The following GFPT1 variants were observed in gnomAD, a reference collection of about 807,000 sequenced individuals.
GFPT1 encodes the protein glutamine--fructose-6-phosphate transaminase 1, also known as glutamine--fructose-6-phosphate aminotransferase [isomerizing] 1.
A neutral mutation model predicts 92.0 loss-of-function variants in GFPT1; 40 were observed. That is an observed-to-expected ratio of 0.43 (90% CI 0.34 to 0.57). The LOEUF (loss-of-function observed/expected upper bound fraction) is 0.57. Ranked by LOEUF, GFPT1 falls within the 20% of genes least tolerant of loss-of-function variation. GFPT1 has a pLI of 0.02. For synonymous variants in GFPT1, 269 were observed against 280.6 expected, an observed-to-expected ratio of 0.96 and a Z score of 0.41; for missense variants, 448 against 869.1, an observed-to-expected ratio of 0.52 and a Z score of 6.09.
At chr2:69,340,660 T>G (rs955248074) in intron 13 of GFPT1, among the ~76,000 whole-genome samples, 1 of 151,938 alleles carries the variant, frequency 6.6e-6, no homozygotes, top group African/African-American at 2.4e-5. Flanking sequence ...AAAAAACATG[T>G]AAATGTGTCA....
chr2:69,368,200 G>A (rs1477833749), intron 3 of GFPT1, among the ~76,000 whole-genome samples: 1 of 152,228 alleles, frequency 6.6e-6, no homozygotes, highest in East Asian at 1.9e-4. Flanking sequence ...GGCTAACATG[G>A]TGAAACCCCA....
intron 19 of GFPT1, among the ~76,000 whole-genome samples, 162 bp from the exon 20 acceptor site, chr2:69,326,395 A>G (rs1482030101): frequency 6.6e-6 from 1 of 152,234 alleles, no homozygotes; most frequent in Non-Finnish European, 1.5e-5. Flanking sequence ...AGAAAATATA[A>G]TCACATAATG....
chr2:69,336,931 GC>G (rs1232537100), intron 15 of GFPT1, among the ~76,000 whole-genome samples: 1 of 151,810 alleles, frequency 6.6e-6, no homozygotes, highest in East Asian at 1.9e-4. Flanking sequence ...ATTCCAAAGA[GC>G]AAAGTAGTCT....
At chr2:69,342,118 A>G in intron 13 of GFPT1, 34 bp downstream of exon 13, 1 of 1,129,970 alleles carries the variant, frequency 8.8e-7, no homozygotes, top group Non-Finnish European at 1.3e-6. Context: ...ATTCTCTAAT[A>G]TTCAACATAA....
chr2:69,356,795 T>C (rs914311520), intron 6 of GFPT1, among the ~76,000 whole-genome samples: 2 of 151,532 alleles, frequency 1.3e-5, no homozygotes, highest in African/African-American at 4.9e-5. Flanking sequence ...TGGGGTGCAG[T>C]GGCACGATCT....
chr2:69,370,174 G>T, intron 2 of GFPT1, 66 bp from the exon 3 acceptor site: 2 of 911,264 alleles, frequency 2.2e-6, no homozygotes, highest in South Asian at 1.3e-5. Context: ...ATTAATGTGA[G>T]GCAAAATTTT....
At chr2:69,359,881 T>C (rs1671424892) in intron 4 of GFPT1, among the ~76,000 whole-genome samples, 1 of 152,194 alleles carries the variant, frequency 6.6e-6, no homozygotes, top group South Asian at 2.1e-4. Flanking sequence ...AGTCATAGAA[T>C]GTCAGAAACA....
chr2:69,335,624 T>C (rs1670775847), intron 15 of GFPT1, among the ~76,000 whole-genome samples: 1 of 152,168 alleles, frequency 6.6e-6, no homozygotes, highest in Admixed American at 6.5e-5. Context: ...AGCCACAGGA[T>C]GGAAACCCAA....
intron 13 of GFPT1, among the ~76,000 whole-genome samples, chr2:69,341,646 A>T (rs986983627): frequency 4.1e-5 from 6 of 146,350 alleles, no homozygotes; most frequent in African/African-American, 1.3e-4. Context: ...CTGCACTGAC[A>T]ATACACATTT....
intron 9 of GFPT1, among the ~76,000 whole-genome samples, chr2:69,351,464 AT>A (rs1671204908): frequency 6.6e-6 from 1 of 152,206 alleles, no homozygotes; most frequent in Admixed American, 6.5e-5. Flanking sequence ...AAAAACTGCT[AT>A]TTCATCTATC....
intron 11 of GFPT1, among the ~76,000 whole-genome samples, chr2:69,346,331 T>G (rs1671081482): frequency 6.6e-6 from 1 of 152,056 alleles, no homozygotes; most frequent in South Asian, 2.1e-4. Flanking sequence ...CTTGGCCTCC[T>G]GGATTCAAGG....
At chr2:69,350,958 T>G (rs946174034) in intron 9 of GFPT1, among the ~76,000 whole-genome samples, 1 of 152,014 alleles carries the variant, frequency 6.6e-6, no homozygotes, top group Non-Finnish European at 1.5e-5. Context: ...AATTAATTTT[T>G]ATTGTATCAT....
At position 69,320,707 on chromosome 2, in the gene GFPT1, G is replaced by GAACA. The variant is rs1558716662; in HGVS notation, c.*5478_*5481dup. The GAACA allele has an allele frequency of 6.6e-6, 1 of 151,966 alleles. No individual in the cohort carries two copies. The highest frequency in any genetic ancestry group is 2.4e-5 in the African/African-American group (1 of 41,364). The allele number at this position is 151,966 out of a possible 1,614,324, so 9.4% of individuals were successfully genotyped here. ...AGAGGCTGAGGCAAAAGACTCGTGTGAACACGGGAGGTGGAAGTTGCAGTC... is the reference window on the plus strand; with the variant it reads ...AGAGGCTGAGGCAAAAGACTCGTGTGAACAAACACGGGAGGTGGAAGTTGCAGTC... On this transcript the variant is annotated 3_prime_UTR_variant, in exon 20 of 20. Coordinates refer to ENST00000357308, the MANE Select transcript of GFPT1 (RefSeq NM_001244710.2).
intron 18 of GFPT1, among the ~76,000 whole-genome samples, chr2:69,328,017 T>C (rs1190781199): frequency 2.0e-5 from 3 of 146,440 alleles, no homozygotes; most frequent in African/African-American, 7.6e-5. Flanking sequence ...GAAAATTGCC[T>C]GAACCCAGGA....
chr2:69,365,905 C>G (rs1005330046), intron 3 of GFPT1, among the ~76,000 whole-genome samples: 3 of 152,048 alleles, frequency 2.0e-5, no homozygotes, highest in African/African-American at 7.2e-5. Flanking sequence ...CTCTCCCTCC[C>G]GGGTTCAAGC....
Position 69,329,810 on chromosome 2 carries a change from C to T in GFPT1, c.1483-12G>A. On this transcript the variant is annotated splice_polypyrimidine_tract_variant and intron_variant, in intron 15 of 19. Transcript: ENST00000357308. Reference sequence around the variant, plus strand: ...TGGCTGGTATAAGCCTGAAACATCACAAAAAAGCAGGACAATTAGTTGCAG... The same window carrying T: ...TGGCTGGTATAAGCCTGAAACATCATAAAAAAGCAGGACAATTAGTTGCAG... 2 of 1,376,834 alleles carry T rather than the reference C, an allele frequency of 1.5e-6. No individual in the cohort carries two copies. Among genetic ancestry groups the T allele is most frequent in the Non-Finnish European group, 2.1e-6 (2 of 963,258 alleles). 85.3% of individuals were successfully genotyped at this position (1,376,834 alleles called of 1,614,324 possible). A position where few individuals can be genotyped will look rare whatever the true frequency, so the allele number is the denominator to read the frequency against.
intron 1 of GFPT1, among the ~76,000 whole-genome samples, chr2:69,382,209 A>T (rs751952876): frequency 6.6e-6 from 1 of 152,200 alleles, no homozygotes; most frequent in Non-Finnish European, 1.5e-5. Flanking sequence ...GTAAATACAG[A>T]ACTCTTTTGT....
chr2:69,354,492 T>A lies in GFPT1; in HGVS notation c.682A>T (p.Thr228Ser). The A allele has an allele frequency of 6.3e-7, 1 of 1,575,168 alleles. No individual in the cohort carries two copies. The highest frequency in any genetic ancestry group is 8.7e-7 in the Non-Finnish European group (1 of 1,144,500). Residue 228 changes from threonine (T) to serine (S), a missense_variant, in exon 8 of 20, where the codon ACA becomes TCA. This residue lies in a region of GFPT1 where 118 missense variants were observed against 192.9 expected (regional missense o/e 0.61). Coordinates refer to ENST00000357308, the MANE Select transcript of GFPT1 (RefSeq NM_001244710.2). ...STDHIPILYR[T>S]ARTQIGSKFT... Reference sequence around the variant, plus strand: ...GCATTTGTAGAGGTAATTTTACCTGTTCTGTAGAGTATAGGAATGTGATCA... The same window carrying A: ...GCATTTGTAGAGGTAATTTTACCTGATCTGTAGAGTATAGGAATGTGATCA...
At chr2:69,344,880 G>A (rs946374308) in intron 12 of GFPT1, among the ~76,000 whole-genome samples, 7 of 151,752 alleles carry the variant, frequency 4.6e-5, no homozygotes, top group Non-Finnish European at 4.4e-5. Context: ...CGATCCTCCC[G>A]CTTTGGGTTC....
Sources: gnomAD v4.1 joint callset for allele counts (sites outside exome capture counted in the v4.1 genomes callset) on GRCh38, gnomAD v4.1.1 for gene constraint, gnomAD v4.1.1 regional missense constraint, MANE v1.5 for transcripts, NCBI Gene and HGNC (gene_info 2026-07-23, HGNC 2026-07-21) for gene names.